The following HDAC6 variants were observed in gnomAD, a reference collection of about 807,000 sequenced individuals.
HDAC6 encodes the protein protein deacetylase HDAC6.
Under a neutral mutation model 88.9 loss-of-function variants are expected in HDAC6, and 5 were observed. The observed-to-expected ratio is 0.06, with a 90% CI of 0.03 to 0.12. The LOEUF (loss-of-function observed/expected upper bound fraction) is 0.12. Among genes scored for constraint, HDAC6 ranks in the 10% least tolerant of loss-of-function variants. HDAC6 has a pLI of 1.00. For synonymous variants in HDAC6, 378 were observed against 398.0 expected, an observed-to-expected ratio of 0.95 and a Z score of 0.60; for missense variants, 706 against 1,014.4, an observed-to-expected ratio of 0.70 and a Z score of 4.13.
rs782274418 is a variant in HDAC6 at position 48,814,355 on chromosome X, A to G, written c.807-85A>G. ...GTGGTTGAATGGGGAAATGAGTGGTAGAGGAAACTGGCAACTGTTGGGTTG... is the reference window on the plus strand; with the variant it reads ...GTGGTTGAATGGGGAAATGAGTGGTGGAGGAAACTGGCAACTGTTGGGTTG... On this transcript the variant is annotated intron_variant, in intron 10 of 28. Transcript: ENST00000334136. 3.1e-6 allele frequency: 3 copies of G among 980,439 alleles called. No homozygotes were observed. The African/African-American group carries it at 5.7e-5, about 19-fold the overall frequency. 80.8% of individuals were successfully genotyped at this position (980,439 alleles called of 1,213,427 possible).
At chrX:48,824,505 C>T (rs781832503) in intron 28 of HDAC6, 39 bp from the exon 29 acceptor site, 1 of 1,154,003 alleles carries the variant, frequency 8.7e-7, no homozygotes, top group East Asian at 3.0e-5. Flanking sequence ...GAGGGGTCCT[C>T]ACTCTCTCTC....
intron 20 of HDAC6, 42 bp from the exon 21 acceptor site, chrX:48,817,999 G>A: frequency 8.8e-7 from 1 of 1,131,720 alleles, no homozygotes; most frequent in Non-Finnish European, 1.2e-6. Flanking sequence ...CTCTTCCAGG[G>A]CGTGAGTATC....
upstream of HDAC6, chrX:48,801,492 G>A (rs782784600): frequency 8.8e-5 from 12 of 135,608 alleles, no homozygotes; most frequent in Non-Finnish European, 1.8e-4. Flanking sequence ...CCGCCGACCC[G>A]AAGGGCTCCT....
At chrX:48,801,832 G>T (rs1361123138), upstream of HDAC6, 2 of 969,397 alleles carry the variant, frequency 2.1e-6, no homozygotes, top group Non-Finnish European at 2.7e-6. Flanking sequence ...GAGAGACGAG[G>T]CCCAATGGAA....
At chrX:48,811,052 C>T (rs1180404976) in intron 10 of HDAC6, 1 of 111,461 alleles carries the variant, frequency 9.0e-6, no homozygotes, top group Non-Finnish European at 1.9e-5. Context: ...GCCTGTAATC[C>T]CAGCACTTTG....
chrX:48,807,061 C>A (rs185029301), intron 8 of HDAC6: 2 of 132,733 alleles, frequency 1.5e-5, no homozygotes, highest in Non-Finnish European at 3.0e-5. Flanking sequence ...TTTTCTGCTT[C>A]GTTTTTGGCA....
At position 48,814,464 on chromosome X, in the gene HDAC6, C is replaced by T. The variant is rs1557026691; in HGVS notation, c.831C>T (p.Arg277=). 4.5e-5 allele frequency: 55 copies of T among 1,209,954 alleles called. No homozygotes were observed. The highest frequency in any genetic ancestry group is 5.7e-5 in the Non-Finnish European group (51 of 894,957). Residue 277 remains arginine (R), a synonymous_variant, in exon 11 of 29, where the codon CGC becomes CGT. Transcript: ENST00000334136. ...GTGTCCTCTATTTCTCCATCCACCG[C>T]TACGAGCAGGGTAGGTTCTGGCCCC... ...DPSVLYFSIH[R]YEQGRFWPHL...
intron 16 of HDAC6, 29 bp from the exon 17 acceptor site, chrX:48,815,855 G>A: frequency 8.3e-7 from 1 of 1,200,528 alleles, no homozygotes; most frequent in Non-Finnish European, 1.1e-6. Flanking sequence ...GATTGAGAGG[G>A]TAGGACAAAC....
intron 26 of HDAC6, 26 bp from the exon 27 acceptor site, chrX:48,823,896 T>C: frequency 8.3e-7 from 1 of 1,204,200 alleles, no homozygotes; most frequent in East Asian, 3.0e-5. Context: ...GTCTTCAGCT[T>C]ACCTAGTTTC....
rs2063113786 is a variant in HDAC6 at position 48,823,264 on chromosome X, G to C, written c.2865G>C (p.Glu955Asp). 1 of 1,198,711 alleles carries C rather than the reference G, an allele frequency of 8.3e-7. No individual in the cohort carries two copies. The highest frequency in any genetic ancestry group is 1.1e-6 in the Non-Finnish European group (1 of 889,549). ...GATPDQTTSE[E>D]TVGGAILDQT... is the part of the protein sequence containing the mutation. ...CTCCGGACCAGACCACCTCAGAGGAGACTGTGGGAGGAGCCATTCTGGACC... is the reference window on the plus strand; with the variant it reads ...CTCCGGACCAGACCACCTCAGAGGACACTGTGGGAGGAGCCATTCTGGACC... Residue 955 changes from glutamate to aspartate, a missense_variant, in exon 25 of 29, where the codon GAG becomes GAC. By Grantham distance (45) the Glu-to-Asp change is conservative. Coordinates refer to ENST00000334136, the MANE Select transcript of HDAC6 (RefSeq NM_006044.4).
At position 48,823,324 on chromosome X, in the gene HDAC6, G is replaced by A. The variant is rs782716021; in HGVS notation, c.2925G>A (p.Thr975=). ...CAGAGGATGCTGTTGGGGGAGCCAC[G>A]CTGGGCCAGACTACCTCAGAGGAGG... The part of the protein sequence containing the change: ...TTSEDAVGGA[T]LGQTTSEEAV... The change falls in exon 25 of 29, where the codon ACG becomes ACA. Residue 975 remains threonine (T), a synonymous_variant. Coordinates refer to ENST00000334136, the MANE Select transcript of HDAC6 (RefSeq NM_006044.4). 11 of 1,199,117 alleles carry A rather than the reference G, an allele frequency of 9.2e-6. No individual in the cohort carries two copies. The highest frequency in any genetic ancestry group is 1.8e-5 in the South Asian group (1 of 54,959).
At chrX:48,801,865 T>TC, upstream of HDAC6, 2 of 971,666 alleles carry the variant, frequency 2.1e-6, no homozygotes, top group South Asian at 4.0e-5. Flanking sequence ...AGCGCTCGCG[T>TC]CCCCACAGGT....
At position 48,816,675 on chromosome X, in the gene HDAC6, A is replaced by T. The variant is rs782470447; in HGVS notation, c.1791+42A>T. On this transcript the variant is annotated intron_variant, in intron 19 of 28. Coordinates refer to ENST00000334136, the MANE Select transcript of HDAC6 (RefSeq NM_006044.4). ...CTGGGGAGAGGAGGACCTGGGGGGAATGGAAAAAGAGAGCCATCTGCTGTT... is the reference window on the plus strand; with the variant it reads ...CTGGGGAGAGGAGGACCTGGGGGGATTGGAAAAAGAGAGCCATCTGCTGTT... 4.1e-6 allele frequency: 4 copies of T among 973,653 alleles called. No homozygotes were observed. In the African/African-American group the frequency reaches 6.2e-5, roughly 15 times the overall value. 80.2% of individuals were successfully genotyped at this position (973,653 alleles called of 1,213,427 possible). A position where few individuals can be genotyped will look rare whatever the true frequency, so the allele number is the denominator to read the frequency against.
At chrX:48,813,071 C>T (rs1557026244) in intron 10 of HDAC6, among the ~76,000 whole-genome samples, 2 of 111,840 alleles carry the variant, frequency 1.8e-5, no homozygotes, top group African/African-American at 6.5e-5. Context: ...CCACGCCCAG[C>T]AAATTTTTTG....
At chrX:48,806,287 A>T (rs183744525) in intron 6 of HDAC6, 81 bp from the exon 7 acceptor site, 38 of 611,384 alleles carry the variant, frequency 6.2e-5, no homozygotes, top group Non-Finnish European at 9.4e-5. Flanking sequence ...CCAAGCCCTA[A>T]TTTGACCAGG....
intron 4 of HDAC6, among the ~76,000 whole-genome samples, chrX:48,804,176 A>T (rs1272482036): frequency 9.6e-6 from 1 of 104,251 alleles, no homozygotes; most frequent in African/African-American, 3.5e-5. Context: ...AAGTAAAAAT[A>T]AAAAAAAAAA....
chrX:48,804,800 G>A (rs1557023634), intron 4 of HDAC6, among the ~76,000 whole-genome samples: 1 of 110,436 alleles, frequency 9.1e-6, no homozygotes, highest in African/African-American at 3.3e-5. Flanking sequence ...AAGTACAGTG[G>A]AGGAGACTTC....
At chrX:48,820,447 TTC>T (rs1292298318) in intron 23 of HDAC6, among the ~76,000 whole-genome samples, 192 bp downstream of exon 23, 40 of 112,603 alleles carry the variant, frequency 3.6e-4, no homozygotes, top group African/African-American at 1.3e-3. Flanking sequence ...CAGAGCACTC[TTC>T]TGAGCACCTC....
rs782255932 is a variant in HDAC6 at position 48,818,209 on chromosome X, C to T, written c.1995-11C>T. 2.5e-6 allele frequency: 3 copies of T among 1,179,105 alleles called. No homozygotes were observed. The highest frequency in any genetic ancestry group is 2.5e-5 in the Admixed American group (1 of 40,643). On this transcript the variant is annotated splice_polypyrimidine_tract_variant and intron_variant, in intron 21 of 28. Coordinates refer to ENST00000334136, the MANE Select transcript of HDAC6 (RefSeq NM_006044.4). ...CCAGCCATGGTCCGCTTCCCACCCC[C>T]TCCCTGGCAGTGTGCTATATGTGTC...
Sources: gnomAD v4.1 joint callset for allele counts (sites outside exome capture counted in the v4.1 genomes callset) on GRCh38, gnomAD v4.1.1 for gene constraint, MANE v1.5 for transcripts, NCBI Gene and HGNC (gene_info 2026-07-23, HGNC 2026-07-21) for gene names.